The following ROBO2 variants were observed in gnomAD, a reference collection of about 807,000 sequenced individuals.
ROBO2 encodes the protein roundabout homolog 2.
ROBO2 carries 53 observed loss-of-function variants against 160.8 expected under a neutral mutation model. The observed-to-expected ratio is 0.33, with a 90% confidence interval of 0.26 to 0.41. The LOEUF is 0.41. Among genes scored for constraint, ROBO2 ranks in the 10% least tolerant of loss-of-function variants. The pLI, the probability that ROBO2 is intolerant of heterozygous loss-of-function variation, is 1.00. For missense variants in ROBO2, 1,577 were observed against 1,722.4 expected (o/e 0.92, Z 1.49); for synonymous variants, 664 against 611.7 (o/e 1.09, Z -1.26).
intron 2 of ROBO2, among the ~76,000 whole-genome samples, chr3:76,555,425 GAGAAGGGGAAGGGGAAGA>G (rs1230433157): frequency 1.0e-4 from 7 of 68,540 alleles, no homozygotes; most frequent in East Asian, 6.2e-4. Flanking sequence ...AAGAAAGAAG[GAGAAGGGGAAGGGGAAGA>G]GGAAGAGGAA....
intron 2 of ROBO2, among the ~76,000 whole-genome samples, chr3:76,174,656 A>G (rs977450232): frequency 5.3e-5 from 8 of 152,154 alleles, no homozygotes; most frequent in Non-Finnish European, 8.8e-5. Context: ...CAGGTTTGTC[A>G]AAGATCAGAT....
intron 2 of ROBO2, among the ~76,000 whole-genome samples, chr3:76,409,962 A>G (rs1331632698): frequency 6.6e-6 from 1 of 152,096 alleles, no homozygotes; most frequent in East Asian, 1.9e-4. Context: ...ATAATTGCTC[A>G]TTTTATATCA....
chr3:77,383,838 C>T (rs1329753410), intron 2 of ROBO2, among the ~76,000 whole-genome samples: 1 of 152,032 alleles, frequency 6.6e-6, no homozygotes, highest in East Asian at 1.9e-4. Flanking sequence ...TCTAATATTC[C>T]ATAGAGGTTT....
intron 2 of ROBO2, among the ~76,000 whole-genome samples, chr3:76,021,658 T>C (rs1346490032): frequency 6.6e-6 from 1 of 151,860 alleles, no homozygotes; most frequent in African/African-American, 2.4e-5. Context: ...TATAACCAGC[T>C]GAGTGTGCAA....
intron 2 of ROBO2, among the ~76,000 whole-genome samples, chr3:76,869,773 T>G (rs2071828651): frequency 6.6e-6 from 1 of 152,312 alleles, no homozygotes; most frequent in Middle Eastern, 3.4e-3. Flanking sequence ...CTCTTCATAA[T>G]CAAAATTGCC....
intron 2 of ROBO2, among the ~76,000 whole-genome samples, chr3:77,352,455 C>T (rs1000351499): frequency 6.6e-6 from 1 of 151,554 alleles, no homozygotes; most frequent in African/African-American, 2.4e-5. Flanking sequence ...AGTTTTTACA[C>T]AAAACAGCGA....
At chr3:76,397,865 A>C (rs546453330) in intron 2 of ROBO2, among the ~76,000 whole-genome samples, 2,933 of 151,614 alleles carry the variant, frequency 0.019, 43 homozygotes, top group Non-Finnish European at 0.031. Flanking sequence ...GAACACTTTT[A>C]CACTGTTGGT....
At chr3:76,699,462 C>G (rs1284072465) in intron 2 of ROBO2, among the ~76,000 whole-genome samples, 1 of 152,086 alleles carries the variant, frequency 6.6e-6, no homozygotes, top group African/African-American at 2.4e-5. Context: ...ATCCGGATTC[C>G]TTTTGGTCCT....
At chr3:76,967,476 G>A (rs924369310) in intron 2 of ROBO2, among the ~76,000 whole-genome samples, 10 of 143,086 alleles carry the variant, frequency 7.0e-5, no homozygotes, top group South Asian at 2.3e-4. Flanking sequence ...CAAAGTGCTA[G>A]GATTACAGTC....
At chr3:76,692,839 G>A (rs2092831588) in intron 2 of ROBO2, among the ~76,000 whole-genome samples, 2 of 151,144 alleles carry the variant, frequency 1.3e-5, no homozygotes, top group South Asian at 4.2e-4. Flanking sequence ...TATTATTCAG[G>A]GCTCTCCAGA....
intron 2 of ROBO2, among the ~76,000 whole-genome samples, chr3:76,197,671 A>G (rs7627164): frequency 0.98 from 148,508 of 152,274 alleles, 72,526 homozygotes; most frequent in East Asian, 1. Context: ...TGCTCCAAAC[A>G]TATGTGAAAG....
intron 2 of ROBO2, among the ~76,000 whole-genome samples, chr3:76,653,334 TTGTC>T (rs559378250): frequency 2.0e-5 from 3 of 151,238 alleles, no homozygotes; most frequent in African/African-American, 4.8e-5. Flanking sequence ...CTTTTGATAT[TTGTC>T]TGCTGAATTT....
chr3:76,869,232 A>G (rs180825926), intron 2 of ROBO2, among the ~76,000 whole-genome samples: 2 of 152,228 alleles, frequency 1.3e-5, no homozygotes, highest in East Asian at 3.9e-4. Context: ...CTCTCAGTGC[A>G]GATGTAGATC....
intron 2 of ROBO2, among the ~76,000 whole-genome samples, chr3:76,221,996 G>A (rs948491628): frequency 6.6e-6 from 1 of 152,088 alleles, no homozygotes; most frequent in Non-Finnish European, 1.5e-5. Flanking sequence ...GATCACCCTG[G>A]GGAATAATGC....
chr3:75,907,497 A>G (rs929319669), intron 1 of ROBO2, among the ~76,000 whole-genome samples: 6 of 152,150 alleles, frequency 3.9e-5, no homozygotes, highest in Non-Finnish European at 8.8e-5. Flanking sequence ...CCATAAGCTT[A>G]TTAAAGGGAA....
Position 76,777,526 on chromosome 3 carries a change from C to T in ROBO2, c.110-320488C>T, listed in dbSNP as rs146895943. Among the ~76,000 whole-genome samples, 915 of 150,456 alleles carry T rather than the reference C, an allele frequency of 6.1e-3. 6 individuals carry two copies. The highest frequency in any genetic ancestry group is 0.024 in the Middle Eastern group (7 of 292). ...TTGGAAATGTAATGGACACTGAGAG[C>T]GAAGCATAAAACAAAATGTTTTTTC... On this transcript the variant is annotated intron_variant, in intron 2 of 26. Coordinates refer to the ROBO2 transcript ENST00000487694.
intron 2 of ROBO2, among the ~76,000 whole-genome samples, chr3:77,236,192 G>A (rs760704588): frequency 1.3e-5 from 2 of 152,152 alleles, no homozygotes; most frequent in African/African-American, 2.4e-5. Context: ...CAACTTAAAC[G>A]TTTTCTAATT....
chr3:77,611,236 C>T (rs1361637451), intron 21 of ROBO2, among the ~76,000 whole-genome samples: 6 of 149,970 alleles, frequency 4.0e-5, no homozygotes, highest in Non-Finnish European at 7.4e-5. Context: ...AGGCGGAATT[C>T]GCAGTGAGCC....
intron 2 of ROBO2, among the ~76,000 whole-genome samples, chr3:77,292,375 G>A (rs1244115645): frequency 1.3e-5 from 2 of 152,024 alleles, no homozygotes; most frequent in Non-Finnish European, 2.9e-5. Context: ...TGGGTAAGCT[G>A]AGGCTAGATC....
Sources: allele counts gnomAD v4.1 joint callset (sites outside exome capture counted in the v4.1 genomes callset), GRCh38; gene constraint gnomAD v4.1.1; transcripts MANE v1.5; gene names NCBI Gene and HGNC (gene_info 2026-07-23, HGNC 2026-07-21).